THSD4: variants seen among roughly 807,000 people sequenced by gnomAD.
The protein encoded by THSD4 is thrombospondin type 1 domain containing 4.
THSD4 carries 69 observed loss-of-function variants against 119.0 expected under a neutral mutation model. The ratio of observed to expected loss-of-function variants is 0.58; its 90% CI spans 0.48 to 0.71. The LOEUF (loss-of-function observed/expected upper bound fraction) is 0.71, where lower values mean the gene tolerates loss of function less well. Ranked by LOEUF, THSD4 falls within the 30% of genes least tolerant of loss-of-function variation. The pLI is 0.00. For synonymous variants in THSD4, 524 were observed against 540.4 expected, an observed-to-expected ratio of 0.97 and a Z score of 0.42; for missense variants, 1,393 against 1,391.1, an observed-to-expected ratio of 1.00 and a Z score of -0.02.
chr15:71,530,478 G>A (rs2048591069), intron 7 of THSD4, among the ~76,000 whole-genome samples: 1 of 152,154 alleles, frequency 6.6e-6, no homozygotes, highest in Non-Finnish European at 1.5e-5. Context: ...CCAAGCAGTG[G>A]TTTTTGGGTG....
intron 3 of THSD4, among the ~76,000 whole-genome samples, chr15:71,160,484 C>G (rs2043239995): frequency 6.6e-6 from 1 of 151,972 alleles, no homozygotes; most frequent in Non-Finnish European, 1.5e-5. Flanking sequence ...GTTACTGATT[C>G]AACTTCCTTA....
chr15:71,377,138 AT>A (rs1214690910), intron 6 of THSD4, among the ~76,000 whole-genome samples: 1 of 152,198 alleles, frequency 6.6e-6, no homozygotes, highest in Admixed American at 6.5e-5. Context: ...AGGATGGCTG[AT>A]TTCATGAAGG....
chr15:71,506,580 A>G (rs2048192571), intron 7 of THSD4, among the ~76,000 whole-genome samples: 1 of 152,250 alleles, frequency 6.6e-6, no homozygotes, highest in Non-Finnish European at 1.5e-5. Flanking sequence ...CCCATCAGAT[A>G]CAAGAATGTC....
chr15:71,630,942 T>C (rs1213905741), intron 7 of THSD4, among the ~76,000 whole-genome samples: 1 of 152,198 alleles, frequency 6.6e-6, no homozygotes. Flanking sequence ...CGTTGTAGGA[T>C]GTTTAGCAAT....
At chr15:71,739,002 A>G (rs1207719065) in intron 11 of THSD4, among the ~76,000 whole-genome samples, 4 of 151,266 alleles carry the variant, frequency 2.6e-5, no homozygotes, top group Non-Finnish European at 5.9e-5. Context: ...GAATACACTC[A>G]TGTACTTCAA....
At chr15:71,204,262 A>C (rs113239663) in intron 3 of THSD4, among the ~76,000 whole-genome samples, 1,642 of 152,334 alleles carry the variant, frequency 0.011, 18 homozygotes, top group Non-Finnish European at 0.016. Flanking sequence ...TTCAGAAAGA[A>C]GAGTGTTTCC....
At chr15:71,230,140 A>T (rs1196648236) in intron 4 of THSD4, among the ~76,000 whole-genome samples, 2 of 152,046 alleles carry the variant, frequency 1.3e-5, no homozygotes, top group African/African-American at 4.8e-5. Context: ...CCTGGGAGAG[A>T]GGGGATAGGA....
At chr15:71,612,250 CT>C (rs1224531045) in intron 7 of THSD4, among the ~76,000 whole-genome samples, 1 of 152,134 alleles carries the variant, frequency 6.6e-6, no homozygotes, top group African/African-American at 2.4e-5. Flanking sequence ...GAATTAAAGC[CT>C]TTTGTAAAAG....
chr15:71,362,168 A>G (rs759300306), intron 6 of THSD4, among the ~76,000 whole-genome samples: 29 of 152,158 alleles, frequency 1.9e-4, no homozygotes, highest in Non-Finnish European at 3.8e-4. Context: ...AATCCCAGCT[A>G]CTTGGGAGGC....
intron 5 of THSD4, among the ~76,000 whole-genome samples, chr15:71,246,962 T>A (rs111925539): frequency 8.1e-5 from 11 of 136,446 alleles, no homozygotes; most frequent in Non-Finnish European, 1.7e-4. Context: ...CGATCTCAGG[T>A]CACTACAACC....
At chr15:71,228,686 C>T (rs1008776567) in intron 4 of THSD4, among the ~76,000 whole-genome samples, 2 of 152,184 alleles carry the variant, frequency 1.3e-5, no homozygotes, top group Admixed American at 6.5e-5. Flanking sequence ...AACCAGAGAA[C>T]CTGGCTTTAA....
chr15:71,309,036 G>A (rs970323631), intron 6 of THSD4, among the ~76,000 whole-genome samples: 2 of 152,070 alleles, frequency 1.3e-5, no homozygotes, highest in East Asian at 1.9e-4. Flanking sequence ...TGCAACTTCC[G>A]CCTCCCAGGC....
intron 1 of THSD4, among the ~76,000 whole-genome samples, chr15:71,139,685 G>A (rs990795181): frequency 6.6e-6 from 1 of 152,198 alleles, no homozygotes; most frequent in African/African-American, 2.4e-5. Flanking sequence ...TTTTCCCTGA[G>A]AATGGAATTG....
chr15:71,174,451 C>G (rs1211777623), intron 3 of THSD4, among the ~76,000 whole-genome samples: 6 of 142,988 alleles, frequency 4.2e-5, no homozygotes, highest in Middle Eastern at 3.5e-3. Context: ...CGGCGCACCA[C>G]GAGACTATAT....
At chr15:71,231,187 C>T (rs1256918870) in intron 4 of THSD4, among the ~76,000 whole-genome samples, 2 of 152,218 alleles carry the variant, frequency 1.3e-5, no homozygotes, top group East Asian at 3.8e-4. Context: ...TTTTCAAACA[C>T]AATCTTAGAA....
intron 7 of THSD4, among the ~76,000 whole-genome samples, chr15:71,481,987 C>T (rs2140668975): frequency 6.6e-6 from 1 of 152,316 alleles, no homozygotes; most frequent in East Asian, 1.9e-4. Context: ...CAAAGTCCAG[C>T]AACAACATGT....
intron 7 of THSD4, among the ~76,000 whole-genome samples, chr15:71,492,970 A>G (rs1362379690): frequency 6.6e-6 from 1 of 152,164 alleles, no homozygotes; most frequent in Non-Finnish European, 1.5e-5. Context: ...TAGCCCCTCA[A>G]AAAACCACTC....
rs372732684 is a variant in THSD4, at chr15:71,746,906, T to C, written c.2105T>C (p.Leu702Pro). Residue 702 changes from leucine (L) to proline (P), a missense_variant, in exon 13 of 18, where the codon CTG becomes CCG. Transcript: ENST00000261862. The part of the protein sequence containing the change: ...CGLGMQHRQV[L>P]CRQVYANRSL... ...CTGGGCATGCAGCACCGCCAGGTTC[T>C]GTGCCGCCAGGTGTACGCCAACCGC... is the stretch of plus-strand genomic sequence containing the variant. The C allele has an allele frequency of 6.2e-7, 1 of 1,613,966 alleles. No individual in the cohort carries two copies. The highest frequency in any genetic ancestry group is 1.3e-5 in the African/African-American group (1 of 74,946).
intron 8 of THSD4, among the ~76,000 whole-genome samples, chr15:71,681,763 C>T (rs1239472132): frequency 6.6e-6 from 1 of 152,014 alleles, no homozygotes; most frequent in Non-Finnish European, 1.5e-5. Flanking sequence ...GAGTTGTATC[C>T]AGTAAATATG....
Sources: gnomAD v4.1 joint callset for allele counts (sites outside exome capture counted in the v4.1 genomes callset) on GRCh38, gnomAD v4.1.1 for gene constraint, MANE v1.5 for transcripts, NCBI Gene and HGNC (gene_info 2026-07-23, HGNC 2026-07-21) for gene names.